Variants in RAB14 observed in about 807,000 individuals in gnomAD.
The protein encoded by RAB14 is ras-related protein Rab-14.
Under a neutral mutation model 31.1 loss-of-function variants are expected in RAB14, and 3 were observed. That is an observed-to-expected ratio of 0.10 (90% confidence interval 0.04 to 0.25). RAB14 has a LOEUF of 0.25. Ranked by LOEUF, RAB14 falls within the 10% of genes least tolerant of loss-of-function variation. The pLI, the probability that RAB14 is intolerant of heterozygous loss-of-function variation, is 1.00. For synonymous variants in RAB14, 85 were observed against 84.9 expected, an observed-to-expected ratio of 1.00 and a Z score of 0.00; for missense variants, 111 against 260.1, an observed-to-expected ratio of 0.43 and a Z score of 3.94.
At chr9:121,182,853 A>G (rs921760951) in intron 7 of RAB14, 77 bp downstream of exon 7, 10 of 1,280,016 alleles carry the variant, frequency 7.8e-6, no homozygotes, top group Non-Finnish European at 1.1e-5. Flanking sequence ...TATATACATT[A>G]TATACTTTTC....
intron 6 of RAB14, 78 bp downstream of exon 6, chr9:121,183,233 A>T: frequency 7.8e-7 from 1 of 1,283,352 alleles, no homozygotes; most frequent in Non-Finnish European, 1.1e-6. Flanking sequence ...AATGCAAAAA[A>T]AAACCAACAA....
rs369067988 is a variant in RAB14, at chr9:121,179,363, A to G, written c.*2033T>C. ...AATAGCATTTTGTTACATCAAATGAAGAGTACAGCAGTCTGAATAAATCCT... is the reference window on the plus strand; with the variant it reads ...AATAGCATTTTGTTACATCAAATGAGGAGTACAGCAGTCTGAATAAATCCT... On this transcript the variant is annotated 3_prime_UTR_variant, in exon 8 of 8. Coordinates refer to ENST00000373840, the MANE Select transcript of RAB14 (RefSeq NM_016322.4). 13 of 152,742 alleles carry G rather than the reference A, an allele frequency of 8.5e-5. No individual in the cohort carries two copies. Among genetic ancestry groups the G allele is most frequent in the African/African-American group, 3.1e-4 (13 of 41,550 alleles). The allele number at this position is 152,742 out of a possible 1,614,324, so 9.5% of individuals were successfully genotyped here.
At chr9:121,201,181 C>A (rs2053770954) in intron 1 of RAB14, among the ~76,000 whole-genome samples, 1 of 152,186 alleles carries the variant, frequency 6.6e-6, no homozygotes, top group Non-Finnish European at 1.5e-5. Context: ...CCAGACGCGG[C>A]CTACGGGACG....
At chr9:121,201,100 A>G (rs1382280692) in intron 1 of RAB14, among the ~76,000 whole-genome samples, 1 of 151,252 alleles carries the variant, frequency 6.6e-6, no homozygotes, top group Non-Finnish European at 1.5e-5. Context: ...CGGGCTCCCC[A>G]CATCGACAAG....
chr9:121,181,744 C>CTTTTTTTTTTTT (rs3838268), intron 7 of RAB14, among the ~76,000 whole-genome samples, 171 bp from the exon 8 acceptor site: 2 of 102,900 alleles, frequency 1.9e-5, no homozygotes, highest in Non-Finnish European at 4.0e-5. Context: ...AACTATTTTC[C>CTTTTTTTTTTTT]TTTTTTTTTT....
intron 1 of RAB14, among the ~76,000 whole-genome samples, chr9:121,201,224 G>T (rs1378962974): frequency 6.6e-6 from 1 of 152,218 alleles, no homozygotes; most frequent in Non-Finnish European, 1.5e-5. Flanking sequence ...CGGGCTGCAG[G>T]GCGGCGCGGC....
intron 3 of RAB14, among the ~76,000 whole-genome samples, 178 bp downstream of exon 3, chr9:121,191,993 A>C (rs1167901222): frequency 6.6e-6 from 1 of 152,140 alleles, no homozygotes; most frequent in Non-Finnish European, 1.5e-5. Context: ...TGTGTATAAA[A>C]ATCAACCCTA....
chr9:121,195,016 A>C lies in RAB14; in HGVS notation c.-7-1597T>G, dbSNP rs2053707403. ...ACTCCCTTAACCAGTTCTTTCAGGA[A>C]AGGGAGTTTTTCTAGTTAGATTAAC... On this transcript the variant is annotated intron_variant, in intron 1 of 7. Transcript: ENST00000373840. 4.6e-5 allele frequency among the ~76,000 whole-genome samples: 7 copies of C among 152,264 alleles called. No individual in the cohort carries two copies. The South Asian group carries it at 1.4e-3, about 32-fold the overall frequency.
chr9:121,194,775 A>C (rs774542978), intron 1 of RAB14, among the ~76,000 whole-genome samples: 1 of 152,168 alleles, frequency 6.6e-6, no homozygotes, highest in Non-Finnish European at 1.5e-5. Flanking sequence ...CTATATAACA[A>C]CATTGAACCC....
chr9:121,198,078 C>T (rs1244055750), intron 1 of RAB14, among the ~76,000 whole-genome samples: 1 of 151,772 alleles, frequency 6.6e-6, no homozygotes, highest in Non-Finnish European at 1.5e-5. Context: ...GGAATACACA[C>T]CAAATTGTGA....
At chr9:121,193,866 T>C (rs1200336178) in intron 1 of RAB14, among the ~76,000 whole-genome samples, 1 of 152,158 alleles carries the variant, frequency 6.6e-6, no homozygotes, top group Non-Finnish European at 1.5e-5. Flanking sequence ...ACTCTGATAT[T>C]AAACAGAATG....
chr9:121,188,801 AT>A (rs2053671625), intron 4 of RAB14, among the ~76,000 whole-genome samples: 1 of 152,094 alleles, frequency 6.6e-6, no homozygotes, highest in African/African-American at 2.4e-5. Context: ...AACAGTTTTT[AT>A]TACAATATAA....
rs1202095740 is a variant in RAB14, at chr9:121,178,297, T to C, written c.*3099A>G. 1 of 152,286 alleles carries C rather than the reference T, an allele frequency of 6.6e-6. No individual in the cohort carries two copies. The highest frequency in any genetic ancestry group is 2.4e-5 in the African/African-American group (1 of 41,454). The allele number at this position is 152,286 out of a possible 1,614,324, so 9.4% of individuals were successfully genotyped here. The stretch of plus-strand genomic sequence containing the variant: ...TCAAAACAAAACTTGATTTCTTTTG[T>C]ATTTACATTTTTTGTTTCAAGTCTT... On this transcript the variant is annotated 3_prime_UTR_variant, in exon 8 of 8. Transcript: ENST00000373840.
chr9:121,182,127 G>C (rs916966224), intron 7 of RAB14, among the ~76,000 whole-genome samples: 1 of 152,118 alleles, frequency 6.6e-6, no homozygotes, highest in African/African-American at 2.4e-5. Context: ...ACAACTACAT[G>C]TGTTATATGC....
At chr9:121,184,669 T>G (rs7047038) in intron 5 of RAB14, among the ~76,000 whole-genome samples, 104,823 of 152,056 alleles carry the variant, frequency 0.69, 36,694 homozygotes, top group East Asian at 0.96. Context: ...TAATCATTTT[T>G]ATCTGAATGT....
At chr9:121,182,135 T>C (rs572864055) in intron 7 of RAB14, among the ~76,000 whole-genome samples, 2 of 152,338 alleles carry the variant, frequency 1.3e-5, no homozygotes, top group Admixed American at 6.5e-5. Flanking sequence ...ATGTGTTATA[T>C]GCAATCATTA....
rs534230667 is a variant in RAB14 at position 121,192,543 on chromosome 9, T to G, written c.53-319A>C. ...ATTTTATGTTTTTGTTTTCTTTTGTTTTTTTCCTTAAACTCATGCATAAAA... is the reference window on the plus strand; with the variant it reads ...ATTTTATGTTTTTGTTTTCTTTTGTGTTTTTCCTTAAACTCATGCATAAAA... On this transcript the variant is annotated intron_variant, in intron 2 of 7. Coordinates refer to ENST00000373840, the MANE Select transcript of RAB14 (RefSeq NM_016322.4). 2.0e-5 allele frequency among the ~76,000 whole-genome samples: 3 copies of G among 152,220 alleles called. No homozygotes were observed. In the East Asian group the frequency reaches 5.8e-4, roughly 29 times the overall value.
At chr9:121,185,490 T>C (rs73660414) in intron 5 of RAB14, among the ~76,000 whole-genome samples, 18,508 of 152,090 alleles carry the variant, frequency 0.12, 1,255 homozygotes, top group East Asian at 0.18. Flanking sequence ...ACTATCAGGA[T>C]ACAGAACTGT....
Position 121,183,366 on chromosome 9 carries a change from C to T in RAB14, c.384G>A (p.Leu128=), listed in dbSNP as rs1369930051. The T allele has an allele frequency of 3.7e-6, 6 of 1,609,732 alleles. No individual in the cohort carries two copies. The East Asian group carries it at 1.3e-4, about 36-fold the overall frequency. Reference sequence around the variant, plus strand: ...CATATGTAACATCTCTCTGTGCCTCCAAATCTGCTTTATTTCCTATGAGAA... The same window carrying T: ...CATATGTAACATCTCTCTGTGCCTCTAAATCTGCTTTATTTCCTATGAGAA... ...VIILIGNKAD[L]EAQRDVTYEE... is the part of the protein sequence containing the mutation. Residue 128 remains leucine, a synonymous_variant, in exon 6 of 8, where the codon TTG becomes TTA. Coordinates refer to ENST00000373840, the MANE Select transcript of RAB14 (RefSeq NM_016322.4).
Sources: gnomAD v4.1 joint callset for allele counts (sites outside exome capture counted in the v4.1 genomes callset) on GRCh38, gnomAD v4.1.1 for gene constraint, MANE v1.5 for transcripts, NCBI Gene and HGNC (gene_info 2026-07-23, HGNC 2026-07-21) for gene names.